The following WDR35 variants were observed in gnomAD, a reference collection of about 807,000 sequenced individuals.
The protein encoded by WDR35 is WD repeat-containing protein 35.
WDR35 carries 118 observed loss-of-function variants against 158.3 expected under a neutral mutation model. The ratio of observed to expected loss-of-function variants is 0.75; its 90% CI spans 0.64 to 0.87. WDR35 has a LOEUF of 0.87. Ranked by LOEUF, WDR35 falls within the 40% of genes least tolerant of loss-of-function variation. WDR35 has a pLI of 0.00. For missense variants in WDR35, 1,263 were observed against 1,405.8 expected (o/e 0.90, Z 1.62); for synonymous variants, 448 against 476.1 (o/e 0.94, Z 0.77).
At chr2:19,915,854 G>A (rs1290379484) in intron 25 of WDR35, among the ~76,000 whole-genome samples, 1 of 151,410 alleles carries the variant, frequency 6.6e-6, no homozygotes, top group Non-Finnish European at 1.5e-5. Flanking sequence ...TGACCTCGTG[G>A]AGCGTGCAGT....
At chr2:19,975,080 T>C (rs1170069093) in intron 6 of WDR35, among the ~76,000 whole-genome samples, 1 of 152,242 alleles carries the variant, frequency 6.6e-6, no homozygotes, top group Non-Finnish European at 1.5e-5. Context: ...TTTTACCTTC[T>C]TTCCAGGGAT....
At chr2:19,942,281 T>A (rs1333577434) in intron 16 of WDR35, among the ~76,000 whole-genome samples, 1 of 152,202 alleles carries the variant, frequency 6.6e-6, no homozygotes, top group Non-Finnish European at 1.5e-5. Context: ...ATAAAGCTGA[T>A]AAACACTATA....
chr2:19,987,732 G>A (rs1247510807), intron 2 of WDR35, among the ~76,000 whole-genome samples: 1 of 148,490 alleles, frequency 6.7e-6, no homozygotes, highest in Non-Finnish European at 1.5e-5. Context: ...GCTGAGGTAG[G>A]AGAATGGCAT....
chr2:19,936,901 G>A (rs114918534), intron 19 of WDR35, among the ~76,000 whole-genome samples: 371 of 152,292 alleles, frequency 2.4e-3, no homozygotes, highest in African/African-American at 8.4e-3. Context: ...AATGGTCTAA[G>A]ATACCAGAAC....
intron 9 of WDR35, 143 bp downstream of exon 9, chr2:19,969,337 G>T: frequency 1.2e-6 from 1 of 817,660 alleles, no homozygotes; most frequent in Non-Finnish European, 1.9e-6. Context: ...TTCTAGAAAA[G>T]TTTACTAGTT....
At chr2:19,966,383 C>A (rs1023051768) in intron 10 of WDR35, among the ~76,000 whole-genome samples, 1 of 152,178 alleles carries the variant, frequency 6.6e-6, no homozygotes, top group Non-Finnish European at 1.5e-5. Context: ...ATAATTTCTT[C>A]AGCATTTATG....
intron 9 of WDR35, 44 bp downstream of exon 9, chr2:19,969,436 T>C: frequency 6.3e-7 from 1 of 1,578,800 alleles, no homozygotes. Flanking sequence ...CAAAATTATT[T>C]AGTAAGAAAC....
intron 12 of WDR35, among the ~76,000 whole-genome samples, chr2:19,953,431 C>T (rs1051723943): frequency 6.6e-6 from 1 of 152,156 alleles, no homozygotes; most frequent in Non-Finnish European, 1.5e-5. Context: ...CCTGCCTCTC[C>T]TCTGGTCACT....
Position 19,946,375 on chromosome 2 carries a change from C to T in WDR35, c.1634+86G>A, listed in dbSNP as rs185245946. On this transcript the variant is annotated intron_variant, in intron 15 of 26. Coordinates refer to ENST00000281405, the MANE Select transcript of WDR35 (RefSeq NM_020779.4). Reference sequence around the variant, plus strand: ...ACAAGTTCATAATAGACACGCCCATCTTTACATTTATTACATATAAATCTA... The same window carrying T: ...ACAAGTTCATAATAGACACGCCCATTTTTACATTTATTACATATAAATCTA... 6.1e-4 allele frequency: 697 copies of T among 1,136,542 alleles called. 2 individuals carry two copies. In the African/African-American group the frequency reaches 9.1e-3, roughly 15 times the overall value. The allele number at this position is 1,136,542 out of a possible 1,614,324, so 70.4% of individuals were successfully genotyped here.
chr2:19,962,321 T>G, intron 10 of WDR35: 1 of 1,613,050 alleles, frequency 6.2e-7, no homozygotes, highest in Non-Finnish European at 8.5e-7. Context: ...TCCATCTCGT[T>G]CTCCTCCTTT....
intron 2 of WDR35, among the ~76,000 whole-genome samples, chr2:19,986,452 G>C (rs920036832): frequency 1.3e-5 from 2 of 152,236 alleles, no homozygotes; most frequent in African/African-American, 4.8e-5. Context: ...ATCTAGCAAA[G>C]AGACTGAGGA....
At chr2:19,933,250 C>A in intron 22 of WDR35, 151 bp downstream of exon 22, 1 of 697,136 alleles carries the variant, frequency 1.4e-6, no homozygotes, top group South Asian at 1.6e-5. Flanking sequence ...AGAGAATACC[C>A]GCCTGGCTCC....
At chr2:19,955,927 T>G (rs1403319905) in intron 11 of WDR35, among the ~76,000 whole-genome samples, 2 of 152,202 alleles carry the variant, frequency 1.3e-5, no homozygotes, top group African/African-American at 4.8e-5. Flanking sequence ...TAATTCTTTT[T>G]TCACTGTAAC....
intron 2 of WDR35, among the ~76,000 whole-genome samples, chr2:19,986,491 C>T (rs1672569056): frequency 6.6e-6 from 1 of 152,126 alleles, no homozygotes; most frequent in South Asian, 2.1e-4. Flanking sequence ...AAAAGTAGTA[C>T]GTCTAAATAT....
At position 19,970,932 on chromosome 2, in the gene WDR35, C is replaced by T. The variant is rs370061127; in HGVS notation, c.883-1327G>A. On this transcript the variant is annotated intron_variant, in intron 8 of 26. Transcript: ENST00000281405. Reference sequence around the variant, plus strand: ...TTACAGAATGAGCTCCTTAAGAGTACTAACTGTATCATATTCACATTTCTT... The same window carrying T: ...TTACAGAATGAGCTCCTTAAGAGTATTAACTGTATCATATTCACATTTCTT... Among the ~76,000 whole-genome samples the T allele has an allele frequency of 2.2e-3, 328 of 152,258 alleles. 4 individuals carry two copies. The South Asian group carries it at 0.031, about 14-fold the overall frequency.
At chr2:19,974,440 A>C in intron 7 of WDR35, 28 bp downstream of exon 7, 1 of 1,548,198 alleles carries the variant, frequency 6.5e-7, no homozygotes, top group Non-Finnish European at 8.7e-7. Flanking sequence ...GAAATTAAAA[A>C]AATTTTTTAA....
In WDR35 at chr2:19,978,399, T is replaced by C. The variant is rs539992073; in HGVS notation, c.436+352A>G. On this transcript the variant is annotated intron_variant, in intron 5 of 26. Coordinates refer to ENST00000281405, the MANE Select transcript of WDR35 (RefSeq NM_020779.4). Reference sequence around the variant, plus strand: ...CCAACAATGACATATTCAGTTCCAATAAAAACGACCACAGACTTTTTGAAA... The same window carrying C: ...CCAACAATGACATATTCAGTTCCAACAAAAACGACCACAGACTTTTTGAAA... Among the ~76,000 whole-genome samples the C allele has an allele frequency of 9.2e-5, 14 of 151,834 alleles. No homozygotes were observed. The East Asian group carries it at 2.3e-3, about 25-fold the overall frequency.
intron 2 of WDR35, among the ~76,000 whole-genome samples, chr2:19,987,333 C>T (rs898940938): frequency 6.6e-6 from 1 of 152,150 alleles, no homozygotes; most frequent in African/African-American, 2.4e-5. Context: ...TCTTTCAGCA[C>T]AATTCATAAT....
At chr2:19,938,426 A>G (rs935146222) in intron 17 of WDR35, 25 bp from the exon 18 acceptor site, 1 of 1,612,728 alleles carries the variant, frequency 6.2e-7, no homozygotes, top group South Asian at 1.1e-5. Context: ...GAAAACAAAA[A>G]AATTCAAATA....
Sources: allele counts gnomAD v4.1 joint callset (sites outside exome capture counted in the v4.1 genomes callset), GRCh38; gene constraint gnomAD v4.1.1; transcripts MANE v1.5; gene names NCBI Gene and HGNC (gene_info 2026-07-23, HGNC 2026-07-21).